The following SNX18 variants were observed in gnomAD, a reference collection of about 807,000 sequenced individuals.
The protein encoded by SNX18 is sorting nexin-18.
SNX18 carries 35 observed loss-of-function variants against 48.7 expected under a neutral mutation model. That is an observed-to-expected ratio of 0.72 (90% CI 0.55 to 0.95). The LOEUF (loss-of-function observed/expected upper bound fraction) is 0.95. Among genes scored for constraint, SNX18 ranks in the 40% least tolerant of loss-of-function variants. The probability of loss-of-function intolerance (pLI) is 0.00; values close to 1 mark genes in which losing one functional copy is unlikely to be tolerated. For synonymous variants in SNX18, 492 were observed against 384.7 expected (o/e 1.28, Z -3.26); for missense variants, 824 against 871.0 (o/e 0.95, Z 0.68).
the SNX18 span, among the ~76,000 whole-genome samples, chr5:54,635,243 T>C: frequency 6.6e-6 from 1 of 151,386 alleles, no homozygotes; most frequent in Non-Finnish European, 1.5e-5. Flanking sequence ...TCATAAGCCT[T>C]AATTATTATT....
At chr5:54,644,086 C>A in the SNX18 span, 1 of 152,246 alleles carries the variant, frequency 6.6e-6, no homozygotes, top group African/African-American at 2.4e-5. Context: ...AAGCTAGAGA[C>A]CCTGCCAGCA....
chr5:54,537,905 C>T (rs1269223997), intron 1 of SNX18, among the ~76,000 whole-genome samples: 2 of 152,204 alleles, frequency 1.3e-5, no homozygotes, highest in East Asian at 3.8e-4. Flanking sequence ...TTTGTTACAG[C>T]TCTGCAGCTG....
chr5:54,596,111 G>A, the SNX18 span, among the ~76,000 whole-genome samples: 1 of 152,188 alleles, frequency 6.6e-6, no homozygotes, highest in Admixed American at 6.5e-5. Flanking sequence ...GTCATTTCCA[G>A]ATAATGCCAA....
chr5:54,571,170 CCCCATTTGTGA>C, the SNX18 span, among the ~76,000 whole-genome samples: 32 of 151,944 alleles, frequency 2.1e-4, no homozygotes, highest in Admixed American at 2.0e-3. Flanking sequence ...CTTTCCTTGG[CCCCATTTGTGA>C]CTTCCTCTAC....
chr5:54,539,649 C>T (rs1244539486), intron 1 of SNX18, among the ~76,000 whole-genome samples: 2 of 152,070 alleles, frequency 1.3e-5, no homozygotes, highest in African/African-American at 4.8e-5. Flanking sequence ...TGGTGTGTCT[C>T]CTGTTTGAAT....
chr5:54,518,759 G>A lies in SNX18; in HGVS notation c.807G>A (p.Trp269Ter). 1 of 1,606,758 alleles carries A rather than the reference G, an allele frequency of 6.2e-7. No individual in the cohort carries two copies. The highest frequency in any genetic ancestry group is 8.5e-7 in the Non-Finnish European group (1 of 1,176,176). The change falls in exon 1 of 2, where the codon TGG (tryptophan) becomes TGA (stop). Residue 269 changes from tryptophan (W) to a stop codon, truncating the protein, a stop_gained. Coordinates refer to ENST00000381410, the MANE Select transcript of SNX18 (RefSeq NM_001102575.2). LOFTEE classifies it high-confidence loss of function. ...CVVLGPYGPE[W>*]QENPYPFQCT... The stretch of plus-strand genomic sequence containing the variant: ...TGCTGGGGCCCTATGGCCCCGAGTG[G>A]CAGGAGAACCCCTACCCGTTCCAGT...
chr5:54,598,835 C>T, the SNX18 span, among the ~76,000 whole-genome samples: 1 of 152,120 alleles, frequency 6.6e-6, no homozygotes, highest in Non-Finnish European at 1.5e-5. Flanking sequence ...GATATGGATG[C>T]CCTCTCTCAC....
At chr5:54,550,251 C>T (rs1762630203), downstream of SNX18, among the ~76,000 whole-genome samples, 1 of 152,060 alleles carries the variant, frequency 6.6e-6, no homozygotes, top group South Asian at 2.1e-4. Flanking sequence ...AACAAAGGAC[C>T]TATGGGGAAA....
At chr5:54,612,405 C>T in the SNX18 span, among the ~76,000 whole-genome samples, 1 of 151,950 alleles carries the variant, frequency 6.6e-6, no homozygotes, top group African/African-American at 2.4e-5. Flanking sequence ...ACTACAGGTG[C>T]GTGCCACCAC....
At chr5:54,569,910 C>A in the SNX18 span, among the ~76,000 whole-genome samples, 1 of 152,180 alleles carries the variant, frequency 6.6e-6, no homozygotes, top group Non-Finnish European at 1.5e-5. Flanking sequence ...TACCAAAGGA[C>A]TTTCAACTGT....
At chr5:54,591,190 G>GT in the SNX18 span, among the ~76,000 whole-genome samples, 32 of 150,852 alleles carry the variant, frequency 2.1e-4, 1 homozygote, top group African/African-American at 7.1e-4. Flanking sequence ...GTTTTGTTTT[G>GT]TTTTTTTGAG....
downstream of SNX18, among the ~76,000 whole-genome samples, chr5:54,551,484 G>GT (rs1762654894): frequency 6.6e-6 from 1 of 152,128 alleles, no homozygotes; most frequent in African/African-American, 2.4e-5. Flanking sequence ...AACTAATTAC[G>GT]TAAGATCCTG....
chr5:54,520,034 C>G (rs1761988004), intron 1 of SNX18: 2 of 524,166 alleles, frequency 3.8e-6, no homozygotes, highest in South Asian at 6.9e-5. Flanking sequence ...CCTTCCACAC[C>G]TCTCAATCTC....
chr5:54,551,545 G>A (rs1224909479), downstream of SNX18, among the ~76,000 whole-genome samples: 2 of 152,126 alleles, frequency 1.3e-5, no homozygotes, highest in Non-Finnish European at 2.9e-5. Context: ...TTTTGCTCTA[G>A]GAATGATACT....
chr5:54,532,232 A>G (rs1229217462), intron 1 of SNX18, among the ~76,000 whole-genome samples: 1 of 151,064 alleles, frequency 6.6e-6, no homozygotes, highest in South Asian at 2.1e-4. Context: ...TCCCAAGTTC[A>G]CTCTTTGGTA....
the SNX18 span, among the ~76,000 whole-genome samples, chr5:54,578,728 T>G: frequency 6.6e-6 from 1 of 152,320 alleles, no homozygotes; most frequent in African/African-American, 2.4e-5. Context: ...CAGCTGTACC[T>G]CCTGCTCTGG....
At chr5:54,617,509 A>G in the SNX18 span, among the ~76,000 whole-genome samples, 2 of 152,314 alleles carry the variant, frequency 1.3e-5, no homozygotes, top group Admixed American at 6.5e-5. Flanking sequence ...TGGCATTACT[A>G]AAGATGTCCT....
the SNX18 span, among the ~76,000 whole-genome samples, chr5:54,639,757 T>C: frequency 1.3e-5 from 2 of 152,178 alleles, no homozygotes; most frequent in Admixed American, 6.5e-5. Flanking sequence ...TAGGCCTGAA[T>C]AAGCTACGCT....
At chr5:54,628,530 G>A in the SNX18 span, among the ~76,000 whole-genome samples, 1 of 152,154 alleles carries the variant, frequency 6.6e-6, no homozygotes, top group African/African-American at 2.4e-5. Flanking sequence ...TTCACCCTCA[G>A]AACCTCACCA....
Sources: gnomAD v4.1 joint callset for allele counts (sites outside exome capture counted in the v4.1 genomes callset) on GRCh38, gnomAD v4.1.1 for gene constraint, MANE v1.5 for transcripts, NCBI Gene and HGNC (gene_info 2026-07-23, HGNC 2026-07-21) for gene names.